The following ANKRD28 variants were observed in gnomAD, a reference collection of about 807,000 sequenced individuals.
The protein encoded by ANKRD28 is serine/threonine-protein phosphatase 6 regulatory ankyrin repeat subunit A.
Under a neutral mutation model 126.5 loss-of-function variants are expected in ANKRD28, and 44 were observed. The observed-to-expected ratio is 0.35, with a 90% CI of 0.27 to 0.45. The LOEUF (loss-of-function observed/expected upper bound fraction) is 0.45. ANKRD28 is among the 20% of genes least tolerant of loss of function. The probability of loss-of-function intolerance (pLI) is 1.00; values close to 1 mark genes in which losing one functional copy is unlikely to be tolerated. For missense variants in ANKRD28, 1,110 were observed against 1,316.6 expected (o/e 0.84, Z 2.43); for synonymous variants, 442 against 468.5 (o/e 0.94, Z 0.73).
intron 2 of ANKRD28, among the ~76,000 whole-genome samples, chr3:15,778,795 A>T (rs886837412): frequency 3.9e-5 from 6 of 152,178 alleles, no homozygotes; most frequent in Non-Finnish European, 8.8e-5. Context: ...TCCCTACCCA[A>T]ATTTAATCTT....
chr3:15,792,592 G>A (rs2060083007), intron 2 of ANKRD28, among the ~76,000 whole-genome samples: 1 of 152,112 alleles, frequency 6.6e-6, no homozygotes, highest in South Asian at 2.1e-4. Flanking sequence ...TGAGTGGGAG[G>A]TGGGGATGGT....
intron 4 of ANKRD28, among the ~76,000 whole-genome samples, chr3:15,746,423 T>G (rs1033202715): frequency 6.6e-6 from 1 of 152,218 alleles, no homozygotes; most frequent in Non-Finnish European, 1.5e-5. Context: ...CATAAAAGGA[T>G]GCTGGATTTT....
At chr3:15,733,131 C>G (rs942700728) in intron 6 of ANKRD28, 2 of 152,340 alleles carry the variant, frequency 1.3e-5, no homozygotes, top group Non-Finnish European at 2.9e-5. Flanking sequence ...TGCCGCTGCA[C>G]TCCAGCCTGG....
intron 27 of ANKRD28, among the ~76,000 whole-genome samples, chr3:15,672,345 T>C (rs998475518): frequency 4.6e-5 from 7 of 152,158 alleles, no homozygotes; most frequent in African/African-American, 1.7e-4. Flanking sequence ...TCTCGCTTTG[T>C]TCCCCAGGCT....
intron 1 of ANKRD28, among the ~76,000 whole-genome samples, chr3:15,837,379 T>G (rs910886274): frequency 3.3e-5 from 5 of 152,042 alleles, no homozygotes; most frequent in African/African-American, 1.2e-4. Context: ...ATCTCCAAAA[T>G]AGATCACATG....
intron 8 of ANKRD28, among the ~76,000 whole-genome samples, chr3:15,716,674 C>A (rs150314535): frequency 2.6e-5 from 4 of 152,072 alleles, no homozygotes; most frequent in Non-Finnish European, 2.9e-5. Flanking sequence ...AACTAAACAA[C>A]CCCCACAACT....
chr3:15,786,274 T>C (rs1183153257), intron 2 of ANKRD28, among the ~76,000 whole-genome samples: 2 of 152,138 alleles, frequency 1.3e-5, no homozygotes, highest in African/African-American at 2.4e-5. Flanking sequence ...TATTCATTTG[T>C]GGTGGCAGTA....
chr3:15,709,928 T>C (rs964071137), intron 12 of ANKRD28, among the ~76,000 whole-genome samples, 192 bp from the exon 13 acceptor site: 2 of 152,218 alleles, frequency 1.3e-5, no homozygotes, highest in Admixed American at 6.5e-5. Flanking sequence ...TACTTACATA[T>C]TGGCACACTG....
chr3:15,674,174 CAAAAAAAAAAAAAA>C (rs34806568), intron 27 of ANKRD28, among the ~76,000 whole-genome samples: 1 of 40,282 alleles, frequency 2.5e-5, no homozygotes, highest in Non-Finnish European at 4.1e-5. Context: ...CCTGCCTCTT[CAAAAAAAAAAAAAA>C]AAAAAAAAAA....
Position 15,785,627 on chromosome 3 carries a change from G to A in ANKRD28, c.201+9596C>T, listed in dbSNP as rs540446323. Among the ~76,000 whole-genome samples the A allele has an allele frequency of 2.0e-5, 3 of 152,142 alleles. No homozygotes were observed. In the South Asian group the frequency reaches 6.2e-4, roughly 31 times the overall value. On this transcript the variant is annotated intron_variant, in intron 2 of 27. Transcript: ENST00000683139. ...TTATACCTGCTATGAGTGCACACTGGTAAACAGCCACTTTGACAGGTTTTT... is the reference window on the plus strand; with the variant it reads ...TTATACCTGCTATGAGTGCACACTGATAAACAGCCACTTTGACAGGTTTTT...
At chr3:15,761,575 C>T (rs988811366) in intron 3 of ANKRD28, among the ~76,000 whole-genome samples, 3 of 152,160 alleles carry the variant, frequency 2.0e-5, no homozygotes, top group Non-Finnish European at 4.4e-5. Flanking sequence ...AGCATCTATA[C>T]AGAACCTTAT....
intron 9 of ANKRD28, 46 bp downstream of exon 9, chr3:15,714,532 G>GAAA (rs5846873): frequency 0.12 from 131,374 of 1,063,506 alleles, 451 homozygotes; most frequent in Non-Finnish European, 0.13. Context: ...CTACATTTAA[G>GAAA]AAAAAAAAAA....
intron 21 of ANKRD28, among the ~76,000 whole-genome samples, chr3:15,683,275 T>C (rs1050938426): frequency 2.0e-5 from 3 of 152,198 alleles, no homozygotes; most frequent in Non-Finnish European, 2.9e-5. Flanking sequence ...CAACTCACAA[T>C]TGTAGATATT....
At chr3:15,710,077 T>C (rs2455832) in intron 12 of ANKRD28, among the ~76,000 whole-genome samples, 108,498 of 150,338 alleles carry the variant, frequency 0.72, 39,378 homozygotes, top group East Asian at 0.93. Flanking sequence ...CTCTATAGTT[T>C]AGGCTAGAGT....
At chr3:15,690,614 G>C (rs568169759) in intron 17 of ANKRD28, among the ~76,000 whole-genome samples, 1 of 152,074 alleles carries the variant, frequency 6.6e-6, no homozygotes, top group Non-Finnish European at 1.5e-5. Context: ...GCCCCAGCTG[G>C]AGTCCAGTGG....
Position 15,843,172 on chromosome 3 carries a change from A to G in ANKRD28, c.27+16205T>C, listed in dbSNP as rs1305706176. 6.6e-6 allele frequency among the ~76,000 whole-genome samples: 1 copy of G among 152,206 alleles called. No individual in the cohort carries two copies. The highest frequency in any genetic ancestry group is 6.5e-5 in the Admixed American group (1 of 15,278). ...GGCAAAGAGGTAGCAGGCACATCAC[A>G]TGGTGAAAGTAGGAGCAAGACAGAT... is the stretch of plus-strand genomic sequence containing the variant. On this transcript the variant is annotated intron_variant, in intron 1 of 27. Coordinates refer to the ANKRD28 transcript ENST00000399451. The surrounding 1 kb of genome is among the most constrained non-coding windows in gnomAD (Gnocchi z 5.2).
chr3:15,844,704 A>C (rs879294945), intron 1 of ANKRD28, among the ~76,000 whole-genome samples: 2 of 152,216 alleles, frequency 1.3e-5, no homozygotes, highest in African/African-American at 4.8e-5. Context: ...CCGTATTGAT[A>C]ATCTGTAATA....
At chr3:15,767,499 T>G (rs913546411) in intron 2 of ANKRD28, among the ~76,000 whole-genome samples, 1 of 151,906 alleles carries the variant, frequency 6.6e-6, no homozygotes, top group African/African-American at 2.4e-5. Flanking sequence ...TGTTGCTTGG[T>G]GTGGACCAAT....
intron 1 of ANKRD28, among the ~76,000 whole-genome samples, chr3:15,803,614 T>TTA (rs2060511121): frequency 8.0e-6 from 1 of 125,272 alleles, no homozygotes; most frequent in Non-Finnish European, 1.7e-5. Context: ...AGACTCCATT[T>TTA]AAAAAAAAAA....
Sources: allele counts gnomAD v4.1 joint callset (sites outside exome capture counted in the v4.1 genomes callset), GRCh38; gene constraint gnomAD v4.1.1; non-coding constraint Gnocchi (gnomAD v3.1); transcripts MANE v1.5; gene names NCBI Gene and HGNC (gene_info 2026-07-23, HGNC 2026-07-21).